Variants in HIRA observed in about 807,000 individuals in gnomAD.
HIRA encodes the protein histone cell cycle regulator.
HIRA carries 13 observed loss-of-function variants against 126.6 expected under a neutral mutation model. The observed-to-expected ratio is 0.10, with a 90% confidence interval of 0.07 to 0.16. HIRA has a LOEUF of 0.16. Among genes scored for constraint, HIRA ranks in the 10% least tolerant of loss-of-function variants. HIRA has a pLI of 1.00. For synonymous variants in HIRA, 511 were observed against 520.0 expected (o/e 0.98, Z 0.24); for missense variants, 834 against 1,314.4 (o/e 0.63, Z 5.65).
In HIRA at chr22:19,331,118, T is replaced by C. The variant is rs1000109352; in HGVS notation, c.*322A>G. 1 of 1,273,092 alleles carries C rather than the reference T, an allele frequency of 7.9e-7. No homozygotes were observed. The highest frequency in any genetic ancestry group is 2.6e-5 in the Admixed American group (1 of 37,838). The allele number at this position is 1,273,092 out of a possible 1,614,324, so 78.9% of individuals were successfully genotyped here. The stretch of plus-strand genomic sequence containing the variant: ...GCATGGTGCCTGCAGCAGCAGGGGC[T>C]AGTGTCCACCTTGGGGCCGTGCTGG... On this transcript the variant is annotated 3_prime_UTR_variant, in exon 25 of 25. Coordinates refer to ENST00000263208, the MANE Select transcript of HIRA (RefSeq NM_003325.4).
At chr22:19,345,247 G>A (rs782532231) in intron 24 of HIRA, among the ~76,000 whole-genome samples, 9 of 152,324 alleles carry the variant, frequency 5.9e-5, no homozygotes, top group East Asian at 1.9e-4. Context: ...AAGATTCAGC[G>A]AAAAACTACT....
At chr22:19,398,916 C>T (rs1226086372) in intron 5 of HIRA, among the ~76,000 whole-genome samples, 3 of 152,120 alleles carry the variant, frequency 2.0e-5, no homozygotes, top group African/African-American at 7.2e-5. Flanking sequence ...GCTGCAGTGA[C>T]CATGATTGCA....
intron 5 of HIRA, among the ~76,000 whole-genome samples, chr22:19,402,565 G>A (rs2089277833): frequency 6.6e-6 from 1 of 152,142 alleles, no homozygotes; most frequent in Admixed American, 6.5e-5. Context: ...GTATTTTTCA[G>A]TGCTTTATTT....
chr22:19,402,839 C>A (rs902659049), intron 5 of HIRA, among the ~76,000 whole-genome samples: 1 of 152,098 alleles, frequency 6.6e-6, no homozygotes, highest in African/African-American at 2.4e-5. Flanking sequence ...GGTGTGGTGG[C>A]TTATGCCTGT....
At chr22:19,365,560 T>A (rs1390291363) in intron 15 of HIRA, among the ~76,000 whole-genome samples, 1 of 152,210 alleles carries the variant, frequency 6.6e-6, no homozygotes, top group Non-Finnish European at 1.5e-5. Flanking sequence ...TTACTGAATA[T>A]TTGAAGCCCA....
intron 9 of HIRA, among the ~76,000 whole-genome samples, chr22:19,389,294 A>G (rs1204740587): frequency 1.3e-5 from 2 of 152,082 alleles, no homozygotes; most frequent in Non-Finnish European, 2.9e-5. Context: ...GAGTCACTCA[A>G]TTGCTGGCAT....
chr22:19,377,442 G>A (rs2089029891), intron 14 of HIRA, among the ~76,000 whole-genome samples: 1 of 152,126 alleles, frequency 6.6e-6, no homozygotes, highest in Non-Finnish European at 1.5e-5. Context: ...ATATAATTCT[G>A]AGAGTATAAG....
In HIRA at chr22:19,331,059, T is replaced by A. The variant is rs1556004353; in HGVS notation, c.*381A>T. 5.9e-6 allele frequency: 6 copies of A among 1,021,060 alleles called. 1 individual carries two copies. Among genetic ancestry groups the A allele is most frequent in the Admixed American group, 7.2e-5 (2 of 27,944 alleles). 63.3% of individuals were successfully genotyped at this position (1,021,060 alleles called of 1,614,324 possible). The stretch of plus-strand genomic sequence containing the variant: ...TAATACCTAACGCTTCCGGATTCTC[T>A]CTCACAAATGGCTCAATCGTCACTG... On this transcript the variant is annotated 3_prime_UTR_variant, in exon 25 of 25. Coordinates refer to ENST00000263208, the MANE Select transcript of HIRA (RefSeq NM_003325.4).
chr22:19,384,103 AGGTCAGGAGATC>A (rs1158681541), intron 12 of HIRA, among the ~76,000 whole-genome samples: 1 of 152,034 alleles, frequency 6.6e-6, no homozygotes, highest in Non-Finnish European at 1.5e-5. Context: ...ACAGATCACA[AGGTCAGGAGATC>A]GAGACCATTC....
At chr22:19,368,844 C>T (rs1052962141) in intron 15 of HIRA, among the ~76,000 whole-genome samples, 1 of 152,170 alleles carries the variant, frequency 6.6e-6, no homozygotes, top group African/African-American at 2.4e-5. Context: ...TTGCTTGGCA[C>T]TGCCGAGCTC....
chr22:19,365,430 T>C (rs1315030179), intron 15 of HIRA, among the ~76,000 whole-genome samples: 1 of 152,212 alleles, frequency 6.6e-6, no homozygotes, highest in Non-Finnish European at 1.5e-5. Context: ...AGCTGGTGAT[T>C]TTAGGTGGAA....
chr22:19,395,289 G>A (rs2089213720), intron 7 of HIRA, among the ~76,000 whole-genome samples: 1 of 152,158 alleles, frequency 6.6e-6, no homozygotes, highest in East Asian at 1.9e-4. Context: ...ACCAGAGCCT[G>A]AGTATAGTGA....
chr22:19,409,180 T>C (rs2089330984), intron 2 of HIRA, among the ~76,000 whole-genome samples: 1 of 152,122 alleles, frequency 6.6e-6, no homozygotes, highest in Non-Finnish European at 1.5e-5. Context: ...TGCAGTTACC[T>C]ACAGACGAGA....
rs189254574 is a variant in HIRA, at chr22:19,380,148, T to C, written c.1416-2082A>G. 7.9e-4 allele frequency among the ~76,000 whole-genome samples: 121 copies of C among 152,320 alleles called. 1 individual carries two copies. Among genetic ancestry groups the C allele is most frequent in the Non-Finnish European group, 4.4e-5 (3 of 68,030 alleles). ...GCACTAAAATTTTAAAATTTTTGTGTACTCTAAATTGTCATTTACAGAAAA... is the reference window on the plus strand; with the variant it reads ...GCACTAAAATTTTAAAATTTTTGTGCACTCTAAATTGTCATTTACAGAAAA... On this transcript the variant is annotated intron_variant, in intron 13 of 24. Coordinates refer to ENST00000263208, the MANE Select transcript of HIRA (RefSeq NM_003325.4).
At chr22:19,374,101 G>A (rs527258023) in intron 15 of HIRA, among the ~76,000 whole-genome samples, 3 of 152,014 alleles carry the variant, frequency 2.0e-5, no homozygotes, top group African/African-American at 4.8e-5. Context: ...AGGAGGCTGA[G>A]GCGGGTGGAT....
Position 19,392,065 on chromosome 22 carries a change from C to T in HIRA, c.936+36G>A, listed in dbSNP as rs758113537. 10 of 1,284,756 alleles carry T rather than the reference C, an allele frequency of 7.8e-6. No homozygotes were observed. In the South Asian group the frequency reaches 8.8e-5, roughly 11 times the overall value. 79.6% of individuals were successfully genotyped at this position (1,284,756 alleles called of 1,614,324 possible). On this transcript the variant is annotated intron_variant, in intron 9 of 24. Coordinates refer to ENST00000263208, the MANE Select transcript of HIRA (RefSeq NM_003325.4). ...TTGCTACTTTACCAACCTACACCTC[C>T]CGTCCTGCAACAAAAGCTCAGGATA...
chr22:19,381,862 A>G (rs2089076341), intron 13 of HIRA, among the ~76,000 whole-genome samples: 1 of 152,208 alleles, frequency 6.6e-6, no homozygotes, highest in Non-Finnish European at 1.5e-5. Flanking sequence ...CTGTTCCTTA[A>G]AAGTTCCTGA....
At chr22:19,356,648 C>T (rs1259065080) in intron 19 of HIRA, among the ~76,000 whole-genome samples, 2 of 152,228 alleles carry the variant, frequency 1.3e-5, no homozygotes, top group Non-Finnish European at 2.9e-5. Flanking sequence ...GTCGCATGGG[C>T]TGCTCCAGTA....
chr22:19,355,639 C>A (rs1381540478), intron 21 of HIRA, 121 bp downstream of exon 21: 22 of 678,478 alleles, frequency 3.2e-5, no homozygotes, highest in Non-Finnish European at 5.6e-5. Flanking sequence ...GCCTGCACTC[C>A]AGGGCCTGAC....
Sources: allele counts gnomAD v4.1 joint callset (sites outside exome capture counted in the v4.1 genomes callset), GRCh38; gene constraint gnomAD v4.1.1; transcripts MANE v1.5; gene names NCBI Gene and HGNC (gene_info 2026-07-23, HGNC 2026-07-21).